PDGFD: variants seen among roughly 807,000 people sequenced by gnomAD.
PDGFD encodes platelet-derived growth factor D.
In PDGFD, 30 loss-of-function variants were observed where a neutral mutation model predicts 44.7. The observed-to-expected ratio is 0.67, with a 90% confidence interval of 0.50 to 0.91. PDGFD has a LOEUF of 0.91. Ranked by LOEUF, PDGFD falls within the 40% of genes least tolerant of loss-of-function variation. The pLI is 0.00. For synonymous variants in PDGFD, 173 were observed against 168.4 expected, an observed-to-expected ratio of 1.03 and a Z score of -0.21; for missense variants, 445 against 457.8, an observed-to-expected ratio of 0.97 and a Z score of 0.25.
chr11:104,080,073 A>G (rs1861022090), intron 1 of PDGFD, among the ~76,000 whole-genome samples: 1 of 152,162 alleles, frequency 6.6e-6, no homozygotes, highest in African/African-American at 2.4e-5. Flanking sequence ...CTAATTCTAC[A>G]CTAACTGGGA....
intron 3 of PDGFD, among the ~76,000 whole-genome samples, chr11:103,989,109 C>T (rs1361602814): frequency 1.3e-5 from 2 of 151,958 alleles, no homozygotes. Context: ...GGGCAGGAAC[C>T]TTGTCTGTTT....
intron 6 of PDGFD, among the ~76,000 whole-genome samples, chr11:103,925,836 C>A (rs1858305664): frequency 6.6e-6 from 1 of 151,328 alleles, no homozygotes; most frequent in Non-Finnish European, 1.5e-5. Context: ...TCAAGTGATT[C>A]TCCCGCCTCA....
chr11:103,987,972 C>A (rs1859395781), intron 3 of PDGFD, among the ~76,000 whole-genome samples: 1 of 152,168 alleles, frequency 6.6e-6, no homozygotes, highest in Non-Finnish European at 1.5e-5. Context: ...TTCTCTCCCT[C>A]AGGACTATCA....
chr11:104,115,335 G>A (rs1219519237), intron 1 of PDGFD, among the ~76,000 whole-genome samples: 2 of 148,948 alleles, frequency 1.3e-5, no homozygotes, highest in South Asian at 2.1e-4. Context: ...AGTCATATAT[G>A]TGTATATAAA....
At chr11:104,090,092 C>T (rs1861189723) in intron 1 of PDGFD, among the ~76,000 whole-genome samples, 1 of 152,100 alleles carries the variant, frequency 6.6e-6, no homozygotes, top group South Asian at 2.1e-4. Flanking sequence ...CTCTCTTCCT[C>T]AAAAGACAGC....
intron 5 of PDGFD, among the ~76,000 whole-genome samples, chr11:103,941,360 G>A (rs1179109806): frequency 6.6e-6 from 1 of 152,018 alleles, no homozygotes; most frequent in Non-Finnish European, 1.5e-5. Flanking sequence ...TACAAAATGA[G>A]GTGGTGTCTT....
chr11:104,140,797 CACA>C (rs1299031169), intron 1 of PDGFD, among the ~76,000 whole-genome samples: 8 of 115,348 alleles, frequency 6.9e-5, no homozygotes, highest in African/African-American at 2.8e-4. Context: ...CCTAGTTATC[CACA>C]CATTTAGACT....
chr11:104,110,537 C>A (rs576416115), intron 1 of PDGFD, among the ~76,000 whole-genome samples: 2 of 150,052 alleles, frequency 1.3e-5, no homozygotes, highest in South Asian at 4.2e-4. Flanking sequence ...AAGAAACTTA[C>A]ACAGGTCATA....
chr11:104,079,973 T>A (rs77068419), intron 1 of PDGFD, among the ~76,000 whole-genome samples: 20 of 152,198 alleles, frequency 1.3e-4, no homozygotes, highest in African/African-American at 4.6e-4. Flanking sequence ...CCATGCTCTT[T>A]GAATTAAAAG....
intron 1 of PDGFD, among the ~76,000 whole-genome samples, chr11:104,100,903 C>T (rs141932944): frequency 0.011 from 1,746 of 152,150 alleles, 30 homozygotes; most frequent in African/African-American, 0.04. Context: ...ATTTTACAAC[C>T]CTTCATGCTA....
At position 103,996,077 on chromosome 11, in the gene PDGFD, A is replaced by G; in HGVS notation, c.498T>C (p.Tyr166=). 6.2e-7 allele frequency: 1 copy of G among 1,613,258 alleles called. No individual in the cohort carries two copies. Among genetic ancestry groups the G allele is most frequent in the Non-Finnish European group, 8.5e-7 (1 of 1,179,586 alleles). The stretch of plus-strand genomic sequence containing the variant: ...GTTAAGTACTCACCAGCAAAGAATA[A>G]TAAATCTTGAATCCAGGTTTAGCCA... ...YFVAKPGFKI[Y]YSLLEDFQPA... Residue 166 remains tyrosine, a synonymous_variant, in exon 3 of 7, where the codon TAT becomes TAC. Coordinates refer to ENST00000393158, the MANE Select transcript of PDGFD (RefSeq NM_025208.5).
rs144506455 is a variant in PDGFD at position 103,922,280 on chromosome 11, C to T, written c.987+4632G>A. On this transcript the variant is annotated intron_variant, in intron 6 of 6. Transcript: ENST00000393158. Reference sequence around the variant, plus strand: ...GTTTCTTCTAATTGTCTACACAATACGTTTTTCTGGAATCCTCCCTTTAAC... The same window carrying T: ...GTTTCTTCTAATTGTCTACACAATATGTTTTTCTGGAATCCTCCCTTTAAC... Among the ~76,000 whole-genome samples the T allele has an allele frequency of 9.4e-4, 143 of 152,284 alleles. 2 individuals carry two copies. The highest frequency in any genetic ancestry group is 3.2e-3 in the African/African-American group (134 of 41,570).
chr11:103,922,698 T>C (rs989726768), intron 6 of PDGFD, among the ~76,000 whole-genome samples: 13 of 152,116 alleles, frequency 8.5e-5, no homozygotes, highest in African/African-American at 3.1e-4. Context: ...CACAGACACA[T>C]CCTCCACACT....
At chr11:104,126,422 C>A (rs916309428) in intron 1 of PDGFD, among the ~76,000 whole-genome samples, 1 of 152,106 alleles carries the variant, frequency 6.6e-6, no homozygotes, top group Non-Finnish European at 1.5e-5. Flanking sequence ...TTTATCTTGT[C>A]CTTTTGTTTG....
chr11:104,091,062 G>T (rs1318284872), intron 1 of PDGFD, among the ~76,000 whole-genome samples: 1 of 152,144 alleles, frequency 6.6e-6, no homozygotes, highest in Non-Finnish European at 1.5e-5. Flanking sequence ...AGCTAAAACA[G>T]TGTGATTTAC....
intron 1 of PDGFD, among the ~76,000 whole-genome samples, chr11:104,091,415 T>C (rs1192759868): frequency 1.3e-5 from 2 of 152,186 alleles, no homozygotes; most frequent in Admixed American, 1.3e-4. Flanking sequence ...TCTCTACTTC[T>C]GCATTAACCA....
At chr11:104,097,937 G>A (rs1248652399) in intron 1 of PDGFD, among the ~76,000 whole-genome samples, 1 of 152,054 alleles carries the variant, frequency 6.6e-6, no homozygotes, top group African/African-American at 2.4e-5. Flanking sequence ...TACTTAAAAT[G>A]GTTGTTCTAT....
intron 3 of PDGFD, among the ~76,000 whole-genome samples, chr11:103,974,009 G>C (rs983849449): frequency 1.3e-5 from 2 of 152,072 alleles, no homozygotes; most frequent in Non-Finnish European, 2.9e-5. Context: ...TGGGGAAGAG[G>C]AGCTGAATTA....
At chr11:104,121,200 T>C (rs1053517541) in intron 1 of PDGFD, among the ~76,000 whole-genome samples, 8 of 152,056 alleles carry the variant, frequency 5.3e-5, no homozygotes, top group African/African-American at 1.4e-4. Context: ...TTTAATTTGA[T>C]TATCAACAAT....
Sources: gnomAD v4.1 joint callset for allele counts (sites outside exome capture counted in the v4.1 genomes callset) on GRCh38, gnomAD v4.1.1 for gene constraint, MANE v1.5 for transcripts, NCBI Gene and HGNC (gene_info 2026-07-23, HGNC 2026-07-21) for gene names.